Variants in CUL3 observed in about 807,000 individuals in gnomAD.
CUL3 encodes cullin 3.
CUL3 carries 19 observed loss-of-function variants against 89.1 expected under a neutral mutation model. That is an observed-to-expected ratio of 0.21 (90% CI 0.15 to 0.31). The LOEUF is 0.31. Ranked by LOEUF, CUL3 falls within the 10% of genes least tolerant of loss-of-function variation. CUL3 has a pLI of 1.00. For synonymous variants in CUL3, 351 were observed against 308.4 expected, an observed-to-expected ratio of 1.14 and a Z score of -1.45; for missense variants, 469 against 942.3, an observed-to-expected ratio of 0.50 and a Z score of 6.58.
intron 1 of CUL3, among the ~76,000 whole-genome samples, chr2:224,581,099 A>T (rs1695426055): frequency 6.6e-6 from 1 of 152,160 alleles, no homozygotes; most frequent in Non-Finnish European, 1.5e-5. Context: ...ACACAGACAT[A>T]AAAAACAGAA....
At chr2:224,522,068 A>AT (rs1167091366) in intron 3 of CUL3, among the ~76,000 whole-genome samples, 4 of 144,220 alleles carry the variant, frequency 2.8e-5, no homozygotes, top group African/African-American at 1.1e-4. Context: ...CACATTTAAA[A>AT]TTAAAAAAAA....
intron 1 of CUL3, chr2:224,562,565 G>A (rs981120761): frequency 2.0e-5 from 3 of 151,354 alleles, no homozygotes; most frequent in Non-Finnish European, 4.4e-5. Context: ...TTGAACCCGG[G>A]AGGTAGAGGC....
At chr2:224,491,096 G>GT (rs1234410975) in intron 13 of CUL3, among the ~76,000 whole-genome samples, 1 of 152,132 alleles carries the variant, frequency 6.6e-6, no homozygotes, top group Non-Finnish European at 1.5e-5. Flanking sequence ...TTCAAAAGTA[G>GT]TTTTGCCTAA....
intron 1 of CUL3, chr2:224,569,612 A>C: frequency 1.4e-6 from 1 of 690,622 alleles, no homozygotes; most frequent in South Asian, 5.8e-5. Context: ...TTTCATTTAC[A>C]TTACTTCAGA....
chr2:224,584,327 G>A (rs916461437), intron 1 of CUL3, among the ~76,000 whole-genome samples: 2 of 152,102 alleles, frequency 1.3e-5, no homozygotes, highest in Admixed American at 6.5e-5. Flanking sequence ...TCCTGCACAA[G>A]AGTTTGTAAA....
In CUL3 at chr2:224,513,507, A is replaced by G. The variant is rs1329059265; in HGVS notation, c.654+17T>C. 7.4e-7 allele frequency: 1 copy of G among 1,357,100 alleles called. No individual in the cohort carries two copies. Among genetic ancestry groups the G allele is most frequent in the Non-Finnish European group, 1.0e-6 (1 of 965,108 alleles). 84.1% of individuals were successfully genotyped at this position (1,357,100 alleles called of 1,614,324 possible). A position where few individuals can be genotyped will look rare whatever the true frequency, so the allele number is the denominator to read the frequency against. On this transcript the variant is annotated intron_variant, in intron 5 of 15. Coordinates refer to ENST00000264414, the MANE Select transcript of CUL3 (RefSeq NM_003590.5). ...GAACATCTTAAAAGATTATTTATTT[A>G]CATTTTCACGGATTACCTGAAAAAA...
At chr2:224,570,853 A>G (rs576363972) in intron 1 of CUL3, among the ~76,000 whole-genome samples, 3 of 152,300 alleles carry the variant, frequency 2.0e-5, no homozygotes, top group African/African-American at 7.2e-5. Flanking sequence ...CCAAAACTCA[A>G]TTTGAGAATG....
intron 2 of CUL3, among the ~76,000 whole-genome samples, chr2:224,553,108 A>T (rs1694576199): frequency 6.6e-6 from 1 of 152,180 alleles, no homozygotes; most frequent in African/African-American, 2.4e-5. Context: ...CTACCTTAGG[A>T]AACAAACATG....
At chr2:224,565,097 T>C (rs1270417124) in intron 1 of CUL3, among the ~76,000 whole-genome samples, 3 of 152,182 alleles carry the variant, frequency 2.0e-5, no homozygotes, top group African/African-American at 4.8e-5. Context: ...GCAGTCAAAA[T>C]ACTGTGTATA....
At chr2:224,522,378 G>C (rs1372911625) in intron 3 of CUL3, among the ~76,000 whole-genome samples, 1 of 151,914 alleles carries the variant, frequency 6.6e-6, no homozygotes, top group Non-Finnish European at 1.5e-5. Flanking sequence ...TACTTTCCAT[G>C]ATACCAGTAA....
intron 13 of CUL3, among the ~76,000 whole-genome samples, chr2:224,489,343 G>C (rs760943797): frequency 4.1e-4 from 63 of 152,274 alleles, no homozygotes; most frequent in Non-Finnish European, 8.5e-4. Flanking sequence ...ACATAATTGT[G>C]TATTTGGAAA....
intron 3 of CUL3, among the ~76,000 whole-genome samples, chr2:224,533,661 C>T (rs533630677): frequency 2.0e-4 from 30 of 152,156 alleles, no homozygotes; most frequent in African/African-American, 6.7e-4. Flanking sequence ...TCTAGAACTT[C>T]GAAAACAACA....
In CUL3 at chr2:224,471,241, A is replaced by G; in HGVS notation, c.*3004T>C. On this transcript the variant is annotated 3_prime_UTR_variant, in exon 16 of 16. Coordinates refer to ENST00000264414, the MANE Select transcript of CUL3 (RefSeq NM_003590.5). Reference sequence around the variant, plus strand: ...CAGCTTTCCTTCCAAGATTGACACAATATACCATATACTCTATAAAAAATT... The same window carrying G: ...CAGCTTTCCTTCCAAGATTGACACAGTATACCATATACTCTATAAAAAATT... 1 of 208,474 alleles carries G rather than the reference A, an allele frequency of 4.8e-6. No homozygotes were observed. The highest frequency in any genetic ancestry group is 7.4e-5 in the East Asian group (1 of 13,594). 12.9% of individuals were successfully genotyped at this position (208,474 alleles called of 1,614,324 possible).
At chr2:224,560,844 T>G (rs1694879124) in intron 1 of CUL3, among the ~76,000 whole-genome samples, 1 of 152,212 alleles carries the variant, frequency 6.6e-6, no homozygotes, top group African/African-American at 2.4e-5. Flanking sequence ...CCTTACAATG[T>G]TCTATAAGCT....
intron 3 of CUL3, among the ~76,000 whole-genome samples, chr2:224,517,764 A>AT (rs1412870438): frequency 1.3e-5 from 2 of 152,222 alleles, no homozygotes; most frequent in Admixed American, 6.5e-5. Context: ...AACTAGAGGC[A>AT]TTTGTGAAGT....
intron 3 of CUL3, among the ~76,000 whole-genome samples, chr2:224,532,720 T>C (rs1693740420): frequency 1.3e-5 from 2 of 152,116 alleles, no homozygotes; most frequent in Admixed American, 1.3e-4. Flanking sequence ...TTTAACAGAA[T>C]TGTATTCTGA....
chr2:224,490,707 A>AT, intron 13 of CUL3, among the ~76,000 whole-genome samples: 1 of 84,826 alleles, frequency 1.2e-5, no homozygotes, highest in Non-Finnish European at 2.5e-5. Context: ...CCAGAGCTTT[A>AT]AAGAAAAAAA....
rs1692333083 is a variant in CUL3, at chr2:224,500,373, T to C, written c.1600A>G (p.Ile534Val). The change falls in exon 11 of 16, where the codon ATA (isoleucine) becomes GTA (valine). Residue 534 changes from isoleucine (I) to valine (V), a missense_variant. Physicochemically the swap from Ile to Val is conservative, Grantham distance 29. Around this residue, in one of 4 missense-constraint regions of CUL3, gnomAD observed 370 missense variants for 733.2 expected, o/e 0.50. Coordinates refer to ENST00000264414, the MANE Select transcript of CUL3 (RefSeq NM_003590.5). ...CTGATTTTGATTTACCTTCTGAATA[T>C]CTCAAAAGCATGTCTTGGTGCTGGT... ...IPPAPRHAFE[I>V]FRRFYLAKHS... 2 of 1,614,124 alleles carry C rather than the reference T, an allele frequency of 1.2e-6. No individual in the cohort carries two copies. Among genetic ancestry groups the C allele is most frequent in the Non-Finnish European group, 1.7e-6 (2 of 1,179,992 alleles).
At chr2:224,557,577 A>C in intron 2 of CUL3, 82 bp downstream of exon 2, 1 of 928,336 alleles carries the variant, frequency 1.1e-6, no homozygotes, top group Non-Finnish European at 1.6e-6. Context: ...TAAAAAGAAC[A>C]CTTCCGGTCA....
Sources: allele counts gnomAD v4.1 joint callset (sites outside exome capture counted in the v4.1 genomes callset), GRCh38; gene constraint gnomAD v4.1.1; regional missense constraint gnomAD v4.1.1; transcripts MANE v1.5; gene names NCBI Gene and HGNC (gene_info 2026-07-23, HGNC 2026-07-21).